CNGA3: variants seen among roughly 807,000 people sequenced by gnomAD.
CNGA3 encodes cyclic nucleotide-gated channel alpha-3.
Under a neutral mutation model 46.6 loss-of-function variants are expected in CNGA3, and 42 were observed. That is an observed-to-expected ratio of 0.90 (90% CI 0.70 to 1.17). The LOEUF (loss-of-function observed/expected upper bound fraction) is 1.17, where lower values mean the gene tolerates loss of function less well. Among genes scored for constraint, CNGA3 ranks in the 50% most tolerant of loss-of-function variants. CNGA3 has a pLI of 0.00. For missense variants in CNGA3, 893 were observed against 890.7 expected (o/e 1.00, Z -0.03); for synonymous variants, 394 against 369.4 (o/e 1.07, Z -0.76).
chr2:98,377,129 C>A (rs1474660134), intron 2 of CNGA3, among the ~76,000 whole-genome samples: 1 of 152,200 alleles, frequency 6.6e-6, no homozygotes, highest in Admixed American at 6.5e-5. Flanking sequence ...TAGGCCAGTT[C>A]TGTGCAATAT....
At chr2:98,379,600 C>G (rs1180618959) in intron 3 of CNGA3, among the ~76,000 whole-genome samples, 3 of 152,142 alleles carry the variant, frequency 2.0e-5, no homozygotes, top group African/African-American at 7.2e-5. Context: ...AAGGAACCTC[C>G]CAGGCCTGGG....
intron 1 of CNGA3, among the ~76,000 whole-genome samples, chr2:98,365,178 G>T (rs114034738): frequency 1.2e-3 from 180 of 152,050 alleles, no homozygotes; most frequent in Non-Finnish European, 2.1e-3. Context: ...CCAGTGGCTC[G>T]CTCCTATAAT....
intron 1 of CNGA3, among the ~76,000 whole-genome samples, chr2:98,359,471 T>C (rs1691973396): frequency 6.6e-6 from 1 of 152,132 alleles, no homozygotes; most frequent in African/African-American, 2.4e-5. Context: ...AAATGACCAT[T>C]ACATGGACCA....
Position 98,346,495 on chromosome 2 carries a change from AGACCCTGGCGCGCCGCG to A in CNGA3, c.-74_-58del, listed in dbSNP as rs1419805681. The A allele has an allele frequency of 2.5e-6, 1 of 398,380 alleles. No individual in the cohort carries two copies. Among genetic ancestry groups the A allele is most frequent in the East Asian group, 3.6e-5 (1 of 28,074 alleles). 24.7% of individuals were successfully genotyped at this position (398,380 alleles called of 1,614,324 possible). On this transcript the variant is annotated 5_prime_UTR_variant, in exon 1 of 8. Transcript: ENST00000272602. ...GAGGCCGAGGGAGGAGGCGCTCCGC[AGACCCTGGCGCGCCGCG>A]GAGAAGCTCAAACTTTGGCAGGGTA... is the stretch of plus-strand genomic sequence containing the variant.
In CNGA3 at chr2:98,377,695, C is replaced by A; in HGVS notation, c.110C>A (p.Ser37Ter). 3.7e-6 allele frequency: 6 copies of A among 1,613,150 alleles called. No homozygotes were observed. The highest frequency in any genetic ancestry group is 4.2e-6 in the Non-Finnish European group (5 of 1,179,916). Residue 37 changes from serine (S) to a stop codon, truncating the protein, a stop_gained, in exon 3 of 8, where the codon TCG becomes TAG. Transcript: ENST00000272602. LOFTEE classifies it high-confidence loss of function. ...RAENGLSRAH[S>*]SSEETSSVLQ... ...CATATCTGATTTCCTAGAGCCCACT[C>A]GTCAAGTGAGGAGACATCGTCAGTG... is the stretch of plus-strand genomic sequence containing the variant.
chr2:98,370,206 C>T (rs753828058), intron 2 of CNGA3, 130 bp downstream of exon 2: 1 of 737,054 alleles, frequency 1.4e-6, no homozygotes, highest in Non-Finnish European at 2.4e-6. Context: ...GAGGTATTCA[C>T]AGCACTGCCA....
intron 3 of CNGA3, chr2:98,379,932 G>A (rs1287612943): frequency 1.5e-5 from 9 of 582,976 alleles, no homozygotes; most frequent in Admixed American, 8.9e-5. Flanking sequence ...GTCCCTTTCC[G>A]GGGAAGCCTG....
chr2:98,396,629 G>A lies in CNGA3; in HGVS notation c.1459G>A (p.Glu487Lys). Residue 487 changes from glutamate to lysine, a missense_variant, in exon 8 of 8, where the codon GAG becomes AAG. Coordinates refer to ENST00000272602, the MANE Select transcript of CNGA3 (RefSeq NM_001298.3). ...LKKVRIFQDCEAGLLVELVLK... is the reference protein window; with the variant it reads ...LKKVRIFQDCKAGLLVELVLK... ...GAAGGTTCGCATCTTCCAGGACTGT[G>A]AGGCAGGGCTGCTGGTGGAGCTGGT... 1 of 1,614,140 alleles carries A rather than the reference G, an allele frequency of 6.2e-7. No homozygotes were observed. The highest frequency in any genetic ancestry group is 1.3e-5 in the African/African-American group (1 of 75,042).
At chr2:98,380,870 T>A (rs561958114) in intron 4 of CNGA3, among the ~76,000 whole-genome samples, 1 of 152,256 alleles carries the variant, frequency 6.6e-6, no homozygotes, top group South Asian at 2.1e-4. Flanking sequence ...AGGGGAGCCA[T>A]CCATGTCCCA....
chr2:98,388,571 C>T (rs1558816420), intron 5 of CNGA3, among the ~76,000 whole-genome samples: 1 of 152,302 alleles, frequency 6.6e-6, no homozygotes, highest in East Asian at 1.9e-4. Flanking sequence ...CTCCAAGCTC[C>T]GGGAACTCAA....
At chr2:98,349,334 G>C (rs1361606575) in intron 1 of CNGA3, among the ~76,000 whole-genome samples, 3 of 152,116 alleles carry the variant, frequency 2.0e-5, no homozygotes, top group Non-Finnish European at 4.4e-5. Context: ...TGAGCATCCA[G>C]TTTAGGCTCA....
At chr2:98,374,622 C>T (rs1311027089) in intron 2 of CNGA3, among the ~76,000 whole-genome samples, 2 of 152,212 alleles carry the variant, frequency 1.3e-5, no homozygotes, top group African/African-American at 4.8e-5. Flanking sequence ...CAAATGTCAC[C>T]TCAGACATCA....
Position 98,396,626 on chromosome 2 carries a change from T to G in CNGA3, c.1456T>G (p.Cys486Gly), listed in dbSNP as rs749581280. ...GAAGAAGGTTCGCATCTTCCAGGAC[T>G]GTGAGGCAGGGCTGCTGGTGGAGCT... The part of the protein sequence containing the change: ...TLKKVRIFQD[C>G]EAGLLVELVL... The change falls in exon 8 of 8, where the codon TGT becomes GGT. Residue 486 changes from cysteine to glycine, a missense_variant. By Grantham distance (159) the Cys-to-Gly change is radical (BLOSUM62 -3). Coordinates refer to ENST00000272602, the MANE Select transcript of CNGA3 (RefSeq NM_001298.3). 6.2e-7 allele frequency: 1 copy of G among 1,614,072 alleles called. No homozygotes were observed. Among genetic ancestry groups the G allele is most frequent in the African/African-American group, 1.3e-5 (1 of 75,002 alleles).
In CNGA3 at chr2:98,388,846, A is replaced by G. The variant is rs377008070; in HGVS notation, c.450-812A>G. On this transcript the variant is annotated intron_variant, in intron 5 of 7. Transcript: ENST00000272602. ...GAGTGACCTTGCACTTGCAGCATCC[A>G]GGTGAAGGCAGGAAGTCACTGGGGT... 2.0e-5 allele frequency among the ~76,000 whole-genome samples: 3 copies of G among 152,336 alleles called. No individual in the cohort carries two copies. The East Asian group carries it at 5.8e-4, about 29-fold the overall frequency.
chr2:98,383,686 A>G (rs1173413308), intron 5 of CNGA3, among the ~76,000 whole-genome samples: 1 of 152,196 alleles, frequency 6.6e-6, no homozygotes, highest in East Asian at 1.9e-4. Flanking sequence ...TTTCTCATCC[A>G]TAAAGCAAAG....
intron 1 of CNGA3, among the ~76,000 whole-genome samples, chr2:98,369,620 G>A (rs1171099845): frequency 1.3e-5 from 2 of 152,106 alleles, no homozygotes; most frequent in African/African-American, 4.8e-5. Flanking sequence ...GAATCATGAG[G>A]GCTTCACCTT....
At chr2:98,353,738 C>G (rs1218194529) in intron 1 of CNGA3, among the ~76,000 whole-genome samples, 1 of 152,180 alleles carries the variant, frequency 6.6e-6, no homozygotes, top group East Asian at 1.9e-4. Flanking sequence ...GAGGTTTACT[C>G]AGCTCATAGT....
chr2:98,375,769 C>T (rs1692389766), intron 2 of CNGA3, among the ~76,000 whole-genome samples: 1 of 152,082 alleles, frequency 6.6e-6, no homozygotes, highest in Non-Finnish European at 1.5e-5. Flanking sequence ...TTCATCTGTG[C>T]CATATATGAA....
chr2:98,353,231 G>A (rs917834544), intron 1 of CNGA3, among the ~76,000 whole-genome samples: 4 of 152,004 alleles, frequency 2.6e-5, no homozygotes, highest in African/African-American at 4.8e-5. Flanking sequence ...AAGGATCAAT[G>A]GTATATATAT....
Sources: gnomAD v4.1 joint callset for allele counts (sites outside exome capture counted in the v4.1 genomes callset) on GRCh38, gnomAD v4.1.1 for gene constraint, MANE v1.5 for transcripts, NCBI Gene and HGNC (gene_info 2026-07-23, HGNC 2026-07-21) for gene names.